The following CSMD1 variants were observed in gnomAD, a reference collection of about 807,000 sequenced individuals.
CSMD1 encodes the protein CUB and Sushi multiple domains 1, also known as CUB and sushi domain-containing protein 1.
CSMD1 carries 213 observed loss-of-function variants against 417.5 expected under a neutral mutation model. The ratio of observed to expected loss-of-function variants is 0.51; its 90% CI spans 0.46 to 0.57. The LOEUF is 0.57. CSMD1 is among the 20% of genes least tolerant of loss of function. The pLI is 0.00. For synonymous variants in CSMD1, 2,862 were observed against 1,736.8 expected, an observed-to-expected ratio of 1.65 and a Z score of -16.11; for missense variants, 6,923 against 4,529.7, an observed-to-expected ratio of 1.53 and a Z score of -15.17.
intron 1 of CSMD1, among the ~76,000 whole-genome samples, chr8:4,916,771 G>C (rs1240471887): frequency 6.6e-6 from 1 of 152,214 alleles, no homozygotes; most frequent in Non-Finnish European, 1.5e-5. Flanking sequence ...TTAACAAAGT[G>C]ACAGCTAGAT....
At position 4,941,656 on chromosome 8, in the gene CSMD1, T is replaced by C. The variant is rs535046960; in HGVS notation, c.85+52676A>G. On this transcript the variant is annotated intron_variant, in intron 1 of 69. Coordinates refer to ENST00000635120, the MANE Select transcript of CSMD1 (RefSeq NM_033225.6). ...CACTGTCACCCAGGCTGGGGTACAG[T>C]ACCACAATCACAGCTCTCTGCAGCC... 4.6e-5 allele frequency among the ~76,000 whole-genome samples: 7 copies of C among 152,040 alleles called. No homozygotes were observed. In the East Asian group the frequency reaches 1.4e-3, roughly 29 times the overall value.
chr8:3,555,865 A>G (rs1799120598), intron 10 of CSMD1, among the ~76,000 whole-genome samples: 1 of 152,132 alleles, frequency 6.6e-6, no homozygotes, highest in South Asian at 2.1e-4. Context: ...ATAGTGGAGC[A>G]TTTTAATAAT....
At chr8:4,763,958 C>G (rs1812281513) in intron 1 of CSMD1, among the ~76,000 whole-genome samples, 2 of 152,146 alleles carry the variant, frequency 1.3e-5, no homozygotes, top group African/African-American at 4.8e-5. Flanking sequence ...CCACTTATGA[C>G]ATGTCAAAAT....
chr8:3,891,528 C>A (rs758785755), intron 5 of CSMD1, among the ~76,000 whole-genome samples: 20 of 151,526 alleles, frequency 1.3e-4, no homozygotes, highest in Admixed American at 3.3e-4. Flanking sequence ...CACACACACA[C>A]AAAAAAAAGC....
At chr8:4,941,040 T>G (rs543826757) in intron 1 of CSMD1, among the ~76,000 whole-genome samples, 3 of 152,344 alleles carry the variant, frequency 2.0e-5, no homozygotes, top group Admixed American at 6.5e-5. Context: ...ACTTTTCATT[T>G]CTGTTATTAT....
chr8:3,548,891 A>C (rs74689115), intron 10 of CSMD1, among the ~76,000 whole-genome samples: 9,672 of 151,868 alleles, frequency 0.064, 638 homozygotes, highest in African/African-American at 0.16. Flanking sequence ...CCGAGTCCAC[A>C]TCCTCCCCTT....
Position 3,606,714 on chromosome 8 carries a change from T to A in CSMD1, c.1097+9996A>T, listed in dbSNP as rs1386528700. ...CTGTAACAATTTTACTTCGTTACAA[T>A]TTTTTTTTTTTTTTTGAGACAGAGT... On this transcript the variant is annotated intron_variant, in intron 8 of 69. Transcript: ENST00000635120. Among the ~76,000 whole-genome samples, 152 of 9,846 alleles carry A rather than the reference T, an allele frequency of 0.015. No homozygotes were observed. In the Middle Eastern group the frequency reaches 0.19, roughly 12 times the overall value. The allele number at this position is 9,846 out of a possible 152,430, so 6.5% of individuals were successfully genotyped here. A position where few individuals can be genotyped will look rare whatever the true frequency, so the allele number is the denominator to read the frequency against.
chr8:3,374,206 G>T (rs1053741069), intron 18 of CSMD1, among the ~76,000 whole-genome samples: 1 of 151,886 alleles, frequency 6.6e-6, no homozygotes, highest in Non-Finnish European at 1.5e-5. Context: ...TACCTGCCCC[G>T]CCTCAGCCTC....
chr8:3,551,590 ATATATATT>A (rs1361847110), intron 10 of CSMD1, among the ~76,000 whole-genome samples: 3 of 105,126 alleles, frequency 2.9e-5, no homozygotes, highest in Non-Finnish European at 3.8e-5. Context: ...ATATATATAT[ATATATATT>A]TTTTTTTTTT....
intron 69 of CSMD1, among the ~76,000 whole-genome samples, chr8:2,939,645 T>C (rs117580024): frequency 2.6e-5 from 4 of 152,294 alleles, no homozygotes; most frequent in Non-Finnish European, 4.4e-5. Context: ...TCATTTGACA[T>C]TGGGCGTCAA....
intron 4 of CSMD1, among the ~76,000 whole-genome samples, chr8:4,025,415 CCATT>C (rs1274344710): frequency 5.9e-5 from 9 of 152,068 alleles, no homozygotes; most frequent in East Asian, 3.9e-4. Context: ...CTAGGCTGTA[CCATT>C]ATTATTTAAT....
At chr8:3,868,608 C>A (rs768858552) in intron 5 of CSMD1, among the ~76,000 whole-genome samples, 1 of 152,096 alleles carries the variant, frequency 6.6e-6, no homozygotes, top group Non-Finnish European at 1.5e-5. Flanking sequence ...GCAATAGGAC[C>A]CGAACCTCAC....
chr8:2,985,629 A>C (rs1372359911), intron 54 of CSMD1, among the ~76,000 whole-genome samples: 2 of 152,238 alleles, frequency 1.3e-5, no homozygotes, highest in Non-Finnish European at 2.9e-5. Flanking sequence ...TAACTGATAA[A>C]GTTTAAAGGG....
At position 4,113,325 on chromosome 8, in the gene CSMD1, G is replaced by T. The variant is rs140100331; in HGVS notation, c.416-81226C>A. On this transcript the variant is annotated intron_variant, in intron 3 of 69. Transcript: ENST00000635120. The stretch of plus-strand genomic sequence containing the variant: ...GAGAAAGACATGTCAAAAAAACTAG[G>T]CCTGCTGCACCCAACAGCCAAGCTG... 3.1e-4 allele frequency among the ~76,000 whole-genome samples: 47 copies of T among 150,386 alleles called. 1 individual carries two copies. The East Asian group carries it at 7.4e-3, about 24-fold the overall frequency.
At chr8:4,389,560 A>T (rs534237216) in intron 3 of CSMD1, among the ~76,000 whole-genome samples, 4 of 152,196 alleles carry the variant, frequency 2.6e-5, no homozygotes, top group Non-Finnish European at 5.9e-5. Flanking sequence ...TTAATTTATC[A>T]AAAGAACAAG....
chr8:3,379,476 C>T (rs187490687), intron 18 of CSMD1, among the ~76,000 whole-genome samples: 13 of 152,254 alleles, frequency 8.5e-5, no homozygotes, highest in African/African-American at 2.9e-4. Flanking sequence ...TTGGAGGCAT[C>T]GTGCTACCTG....
intron 1 of CSMD1, among the ~76,000 whole-genome samples, chr8:4,920,243 A>G (rs1212071262): frequency 1.3e-5 from 2 of 152,158 alleles, no homozygotes; most frequent in African/African-American, 4.8e-5. Context: ...ACTCAGACTT[A>G]TTCTAGAAAG....
intron 37 of CSMD1, among the ~76,000 whole-genome samples, chr8:3,163,433 G>A (rs1199434489): frequency 6.6e-6 from 1 of 151,550 alleles, no homozygotes; most frequent in Non-Finnish European, 1.5e-5. Flanking sequence ...AAAAACAGCA[G>A]GAGAACAGGT....
chr8:3,531,633 T>A (rs894202204), intron 10 of CSMD1, among the ~76,000 whole-genome samples: 1 of 152,118 alleles, frequency 6.6e-6, no homozygotes, highest in Non-Finnish European at 1.5e-5. Context: ...TGTGTTAGCA[T>A]AGGTGCAATA....
Sources: allele counts gnomAD v4.1 joint callset (sites outside exome capture counted in the v4.1 genomes callset), GRCh38; gene constraint gnomAD v4.1.1; transcripts MANE v1.5; gene names NCBI Gene and HGNC (gene_info 2026-07-23, HGNC 2026-07-21).